CSMD1: variants seen among roughly 807,000 people sequenced by gnomAD.
CSMD1 encodes CUB and Sushi multiple domains 1.
CSMD1 carries 213 observed loss-of-function variants against 417.5 expected under a neutral mutation model. The observed-to-expected ratio is 0.51, with a 90% confidence interval of 0.46 to 0.57. The LOEUF (loss-of-function observed/expected upper bound fraction) is 0.57. Among genes scored for constraint, CSMD1 ranks in the 20% least tolerant of loss-of-function variants. CSMD1 has a pLI of 0.00. For missense variants in CSMD1, 6,923 were observed against 4,529.7 expected, an observed-to-expected ratio of 1.53 and a Z score of -15.17; for synonymous variants, 2,862 against 1,736.8, an observed-to-expected ratio of 1.65 and a Z score of -16.11.
At chr8:3,798,845 C>T (rs547095781) in intron 5 of CSMD1, among the ~76,000 whole-genome samples, 57 of 151,968 alleles carry the variant, frequency 3.8e-4, no homozygotes, top group South Asian at 2.3e-3. Context: ...GTTGTATTTT[C>T]CTACTCTTTC....
intron 3 of CSMD1, among the ~76,000 whole-genome samples, chr8:4,212,130 A>T (rs1467543431): frequency 2.0e-5 from 3 of 151,438 alleles, no homozygotes; most frequent in African/African-American, 7.3e-5. Context: ...GTAGGAGAAG[A>T]AGTGTCCTTT....
chr8:4,360,101 G>T (rs1218290167), intron 3 of CSMD1, among the ~76,000 whole-genome samples: 1 of 152,136 alleles, frequency 6.6e-6, no homozygotes, highest in African/African-American at 2.4e-5. Flanking sequence ...TAACATATCT[G>T]TATGTCTGGT....
At chr8:2,968,862 T>C (rs1804198656) in intron 57 of CSMD1, among the ~76,000 whole-genome samples, 2 of 152,198 alleles carry the variant, frequency 1.3e-5, no homozygotes, top group South Asian at 2.1e-4. Context: ...TTTTGAAATA[T>C]GCTTTTATAA....
chr8:3,533,839 C>T (rs10091895), intron 10 of CSMD1, among the ~76,000 whole-genome samples: 50,306 of 151,990 alleles, frequency 0.33, 10,624 homozygotes, highest in African/African-American at 0.58. Context: ...AGTAGCTGTA[C>T]AGTTAGAGAT....
At chr8:4,643,600 G>A (rs371124428) in intron 1 of CSMD1, among the ~76,000 whole-genome samples, 7 of 152,174 alleles carry the variant, frequency 4.6e-5, no homozygotes, top group Non-Finnish European at 8.8e-5. Flanking sequence ...GAGCTAAGGA[G>A]TACGACAGAC....
rs1424419364 is a variant in CSMD1, at chr8:3,594,888, A to C, written c.1098-8628T>G. Among the ~76,000 whole-genome samples the C allele has an allele frequency of 2.0e-5, 3 of 152,120 alleles. No individual in the cohort carries two copies. In the East Asian group the frequency reaches 5.8e-4, roughly 29 times the overall value. On this transcript the variant is annotated intron_variant, in intron 8 of 69. Coordinates refer to ENST00000635120, the MANE Select transcript of CSMD1 (RefSeq NM_033225.6). ...AGCTTCTGAGAGCCCTGCAATAAAT[A>C]CCTTTGGAACTAATGTGAGCAAAAA...
chr8:4,659,295 A>T (rs913622961), intron 1 of CSMD1, among the ~76,000 whole-genome samples: 1 of 152,178 alleles, frequency 6.6e-6, no homozygotes, highest in Non-Finnish European at 1.5e-5. Flanking sequence ...CTAACTATAC[A>T]ACTGAAGGAA....
At chr8:4,446,435 C>G (rs993022726) in intron 2 of CSMD1, among the ~76,000 whole-genome samples, 2 of 152,124 alleles carry the variant, frequency 1.3e-5, no homozygotes, top group Admixed American at 1.3e-4. Context: ...GTAGTCCCCG[C>G]TACTCAGGTG....
chr8:3,412,015 C>T (rs200351267), intron 12 of CSMD1, among the ~76,000 whole-genome samples: 1 of 4,404 alleles, frequency 2.3e-4, no homozygotes, highest in Non-Finnish European at 5.2e-4. Context: ...TATATATATA[C>T]ATATACACAC....
In CSMD1 at chr8:3,262,807, A is replaced by G. The variant is rs527993468; in HGVS notation, c.4153+21337T>C. On this transcript the variant is annotated intron_variant, in intron 26 of 69. Transcript: ENST00000635120. Reference sequence around the variant, plus strand: ...TAAAAACATGCCATAATGTATACCTATTAAACATAAGTAAATGAATTCTAC... The same window carrying G: ...TAAAAACATGCCATAATGTATACCTGTTAAACATAAGTAAATGAATTCTAC... Among the ~76,000 whole-genome samples, 9 of 152,354 alleles carry G rather than the reference A, an allele frequency of 5.9e-5. No individual in the cohort carries two copies. The East Asian group carries it at 1.2e-3, about 20-fold the overall frequency.
Position 4,680,123 on chromosome 8 carries a change from G to C in CSMD1, c.86-42565C>G, listed in dbSNP as rs368468545. Among the ~76,000 whole-genome samples, 4 of 152,094 alleles carry C rather than the reference G, an allele frequency of 2.6e-5. 1 individual carries two copies. Among genetic ancestry groups the C allele is most frequent in the African/African-American group, 7.2e-5 (3 of 41,426 alleles). Reference sequence around the variant, plus strand: ...TCATAGATACCTTGCACAGTATTTGGTAAAAGGACAACTATGAATATACAC... The same window carrying C: ...TCATAGATACCTTGCACAGTATTTGCTAAAAGGACAACTATGAATATACAC... On this transcript the variant is annotated intron_variant, in intron 1 of 69. Transcript: ENST00000635120.
chr8:3,958,793 G>A lies in CSMD1; in HGVS notation c.818+39110C>T, dbSNP rs374700423. Among the ~76,000 whole-genome samples the A allele has an allele frequency of 2.6e-4, 40 of 152,288 alleles. 1 individual carries two copies. The highest frequency in any genetic ancestry group is 7.7e-4 in the East Asian group (4 of 5,170). ...CCAGTTCAAAGAGGAACGACATTATGGCTTTATCTATGATACACATCAGGA... is the reference window on the plus strand; with the variant it reads ...CCAGTTCAAAGAGGAACGACATTATAGCTTTATCTATGATACACATCAGGA... On this transcript the variant is annotated intron_variant, in intron 5 of 69. Transcript: ENST00000635120.
intron 8 of CSMD1, among the ~76,000 whole-genome samples, chr8:3,605,677 T>C (rs956833154): frequency 6.6e-6 from 1 of 152,194 alleles, no homozygotes; most frequent in Non-Finnish European, 1.5e-5. Context: ...CATGGTATCC[T>C]CGAGATAAAA....
chr8:4,051,308 C>CAA (rs5889012), intron 3 of CSMD1, among the ~76,000 whole-genome samples: 3,663 of 140,432 alleles, frequency 0.026, 58 homozygotes, highest in Middle Eastern at 0.033. Context: ...TTTGAAGACT[C>CAA]AAAAAAAAAA....
chr8:3,524,856 T>C (rs1797689658), intron 10 of CSMD1, among the ~76,000 whole-genome samples: 1 of 151,778 alleles, frequency 6.6e-6, no homozygotes, highest in Non-Finnish European at 1.5e-5. Flanking sequence ...TTCCTTTCTA[T>C]TTTAACATCA....
At chr8:4,985,373 T>TAAAAG (rs1811122859) in intron 1 of CSMD1, among the ~76,000 whole-genome samples, 2 of 129,622 alleles carry the variant, frequency 1.5e-5, no homozygotes, top group Non-Finnish European at 3.3e-5. Flanking sequence ...AACTTAAAAG[T>TAAAAG]TTTTTTTAAA....
rs1811890476 is a variant in CSMD1, at chr8:3,052,544, C to G, written c.7578G>C (p.Lys2526Asn). ...KVVYECHEGF[K>N]LESSQQATAV... ...CTGTTGCTTGCTGGCTGGATTCAAG[C>G]TTGAAGCCCTCATGACATTCATAGA... Residue 2526 changes from lysine (K) to asparagine (N), a missense_variant, in exon 50 of 70, where the codon AAG becomes AAC. Coordinates refer to ENST00000635120, the MANE Select transcript of CSMD1 (RefSeq NM_033225.6). 3.1e-6 allele frequency: 5 copies of G among 1,608,102 alleles called. No individual in the cohort carries two copies. The highest frequency in any genetic ancestry group is 4.2e-6 in the Non-Finnish European group (5 of 1,177,228).
At chr8:3,252,017 C>T (rs1053415891) in intron 26 of CSMD1, among the ~76,000 whole-genome samples, 3 of 152,204 alleles carry the variant, frequency 2.0e-5, no homozygotes, top group Non-Finnish European at 4.4e-5. Context: ...CAAACAGGGA[C>T]AATTTGACTT....
intron 3 of CSMD1, among the ~76,000 whole-genome samples, chr8:4,139,487 G>A (rs909497634): frequency 6.2e-5 from 9 of 144,802 alleles, no homozygotes; most frequent in East Asian, 3.9e-4. Flanking sequence ...GGAAGGTGGC[G>A]TGGATGAATG....
Sources: gnomAD v4.1 joint callset for allele counts (sites outside exome capture counted in the v4.1 genomes callset) on GRCh38, gnomAD v4.1.1 for gene constraint, MANE v1.5 for transcripts, NCBI Gene and HGNC (gene_info 2026-07-23, HGNC 2026-07-21) for gene names.